ELN: variants seen among roughly 807,000 people sequenced by gnomAD.
ELN encodes elastin.
Under a neutral mutation model 105.8 loss-of-function variants are expected in ELN, and 65 were observed. The observed-to-expected ratio is 0.61, with a 90% CI of 0.50 to 0.75. The LOEUF (loss-of-function observed/expected upper bound fraction) is 0.75, where lower values mean the gene tolerates loss of function less well. ELN is among the 30% of genes least tolerant of loss of function. ELN has a pLI of 0.00. For synonymous variants in ELN, 368 were observed against 389.2 expected (o/e 0.95, Z 0.64); for missense variants, 882 against 969.4 (o/e 0.91, Z 1.20).
intron 1 of ELN, among the ~76,000 whole-genome samples, chr7:74,031,873 G>GA (rs1455147237): frequency 1.4e-5 from 2 of 145,734 alleles, no homozygotes; most frequent in Admixed American, 6.8e-5. Context: ...AGGAAGGAAG[G>GA]AAGGAAGGAA....
Position 74,069,172 on chromosome 7 carries a change from G to A in ELN, c.*472G>A. 3.7e-6 allele frequency: 1 copy of A among 271,428 alleles called. No homozygotes were observed. The allele number at this position is 271,428 out of a possible 1,614,324, so 16.8% of individuals were successfully genotyped here. A position where few individuals can be genotyped will look rare whatever the true frequency, so the allele number is the denominator to read the frequency against. On this transcript the variant is annotated 3_prime_UTR_variant, in exon 33 of 33. Transcript: ENST00000252034. ...TGGCTGCCATCCAGTTGGTACCCAA[G>A]CACCTGAAGCCTCAAAGCTGGATTC...
Position 74,065,703 on chromosome 7 carries a change from C to T in ELN, c.2003C>T (p.Pro668Leu). 2 of 1,613,964 alleles carry T rather than the reference C, an allele frequency of 1.2e-6. No homozygotes were observed. The highest frequency in any genetic ancestry group is 1.7e-6 in the Non-Finnish European group (2 of 1,179,992). The stretch of plus-strand genomic sequence containing the variant: ...TGCCTCATCTCCCCAGGTATACCTC[C>T]AGCTGCAGCCGCTAAAGCAGCTAAA... ...PGVGGLGGIP[P>L]AAAAKAAKYG... Residue 668 changes from proline (P) to leucine (L), a missense_variant, in exon 30 of 33, where the codon CCA becomes CTA. By Grantham distance (98) the Pro-to-Leu change is moderately conservative (BLOSUM62 -3). Transcript: ENST00000252034.
chr7:74,068,462 T>C (rs1798470180), intron 32 of ELN, among the ~76,000 whole-genome samples, 195 bp from the exon 33 acceptor site: 1 of 152,178 alleles, frequency 6.6e-6, no homozygotes, highest in South Asian at 2.1e-4. Flanking sequence ...CCAAGTAATA[T>C]CTTGGGGGCT....
chr7:74,041,200 T>C lies in ELN; in HGVS notation c.197-16T>C, dbSNP rs782118309. Reference sequence around the variant, plus strand: ...GGAACACTGCCTACACTCCTGTCTCTGTTTCTTATCCACAGTTCCCGGAGG... The same window carrying C: ...GGAACACTGCCTACACTCCTGTCTCCGTTTCTTATCCACAGTTCCCGGAGG... On this transcript the variant is annotated splice_polypyrimidine_tract_variant and intron_variant, in intron 4 of 32. Transcript: ENST00000252034. 2 of 1,613,998 alleles carry C rather than the reference T, an allele frequency of 1.2e-6. No individual in the cohort carries two copies. The highest frequency in any genetic ancestry group is 1.7e-6 in the Non-Finnish European group (2 of 1,179,872).
At chr7:74,056,497 G>C in intron 20 of ELN, 62 bp downstream of exon 20, 1 of 1,610,946 alleles carries the variant, frequency 6.2e-7, no homozygotes, top group Non-Finnish European at 8.5e-7. Flanking sequence ...TTGTCTGCTC[G>C]GCTCTGCAGG....
intron 3 of ELN, 53 bp downstream of exon 3, chr7:74,036,637 G>C: frequency 6.2e-7 from 1 of 1,613,022 alleles, no homozygotes; most frequent in East Asian, 2.2e-5. Context: ...GGTTTCACCC[G>C]AGCCACATGC....
chr7:74,069,029 G>C lies in ELN; in HGVS notation c.*329G>C, dbSNP rs1438170372. 2.3e-6 allele frequency: 1 copy of C among 438,930 alleles called. No homozygotes were observed. Among genetic ancestry groups the C allele is most frequent in the Non-Finnish European group, 4.2e-6 (1 of 235,850 alleles). The allele number at this position is 438,930 out of a possible 1,614,324, so 27.2% of individuals were successfully genotyped here. A position where few individuals can be genotyped will look rare whatever the true frequency, so the allele number is the denominator to read the frequency against. On this transcript the variant is annotated 3_prime_UTR_variant, in exon 33 of 33. Transcript: ENST00000252034. ...ACACGCTGGTGCTCTTATCTTCCTG[G>C]GGGGAGGGAGGAGGGAAGGGTGGCC...
At chr7:74,060,311 GGCAGGA>G (rs782594095) in intron 24 of ELN, 59 bp from the exon 25 acceptor site, 10 of 1,614,054 alleles carry the variant, frequency 6.2e-6, no homozygotes, top group Non-Finnish European at 8.5e-6. Flanking sequence ...CAGCTCCCTG[GGCAGGA>G]CACCTCCTTA....
intron 10 of ELN, among the ~76,000 whole-genome samples, chr7:74,045,518 C>T (rs1286731328): frequency 1.3e-5 from 2 of 152,100 alleles, no homozygotes; most frequent in African/African-American, 2.4e-5. Context: ...CTGGGAGGAT[C>T]GCTTGAGCCC....
At chr7:74,031,219 C>T (rs555932334) in intron 1 of ELN, among the ~76,000 whole-genome samples, 51 of 152,322 alleles carry the variant, frequency 3.3e-4, no homozygotes, top group African/African-American at 1.2e-3. Flanking sequence ...GGCTCTTCAG[C>T]TCACTGGTTC....
chr7:74,057,974 GCTCCAGCTCCCCTTGAGGGA>G (rs1795690893), intron 22 of ELN, among the ~76,000 whole-genome samples: 1 of 152,010 alleles, frequency 6.6e-6, no homozygotes, highest in Admixed American at 6.6e-5. Flanking sequence ...CTCATGCTGA[GCTCCAGCTCCCCTTGAGGGA>G]CTCCAGTTCT....
intron 14 of ELN, 95 bp from the exon 15 acceptor site, chr7:74,048,408 T>C (rs1793073069): frequency 6.4e-7 from 1 of 1,572,438 alleles, no homozygotes; most frequent in Non-Finnish European, 8.8e-7. Context: ...TACCCACATG[T>C]CAGTGGATTG....
chr7:74,063,920 T>C lies in ELN; in HGVS notation c.1993+225T>C, dbSNP rs1797305046. Among the ~76,000 whole-genome samples the C allele has an allele frequency of 6.6e-6, 1 of 150,762 alleles. No individual in the cohort carries two copies. The highest frequency in any genetic ancestry group is 2.5e-5 in the African/African-American group (1 of 40,798). ...GAGTTTGAGACCAGCCTGGGTGACA[T>C]GGCGAAACCTCATCTCTACCAAAAA... On this transcript the variant is annotated intron_variant, in intron 29 of 32. Coordinates refer to ENST00000252034, the MANE Select transcript of ELN (RefSeq NM_000501.4). This position sits in a 1 kb window ranked among gnomAD's most constrained non-coding sequence, Gnocchi z 4.1.
intron 20 of ELN, 58 bp from the exon 21 acceptor site, chr7:74,056,614 C>T: frequency 6.2e-7 from 1 of 1,612,724 alleles, no homozygotes. Flanking sequence ...TTAAACACGG[C>T]TCGGAGGAGA....
In ELN at chr7:74,042,704, C is replaced by G. The variant is rs863223510; in HGVS notation, c.323C>G (p.Ala108Gly). Reference sequence around the variant, plus strand: ...GCTGCAGCCTATAAAGCTGCTAAGGCTGGTGAGTGGTGCTCTTTGGGACAT... The same window carrying G: ...GCTGCAGCCTATAAAGCTGCTAAGGGTGGTGAGTGGTGCTCTTTGGGACAT... ...DAAAAYKAAKAGAGLGGVPGV... is the reference protein window; with the variant it reads ...DAAAAYKAAKGGAGLGGVPGV... Residue 108 changes from alanine to glycine, a missense_variant and splice_region_variant, in exon 6 of 33, where the codon GCT becomes GGT. By Grantham distance (60) the Ala-to-Gly change is moderately conservative (BLOSUM62 0). Coordinates refer to ENST00000252034, the MANE Select transcript of ELN (RefSeq NM_000501.4). 1 of 1,612,704 alleles carries G rather than the reference C, an allele frequency of 6.2e-7. No homozygotes were observed. Among genetic ancestry groups the G allele is most frequent in the African/African-American group, 1.3e-5 (1 of 75,058 alleles).
At chr7:74,058,233 CCT>C (rs1462076856) in intron 22 of ELN, among the ~76,000 whole-genome samples, 2 of 143,612 alleles carry the variant, frequency 1.4e-5, no homozygotes, top group Non-Finnish European at 3.0e-5. Context: ...TCTTCTTCTT[CCT>C]CTTTTTCTCC....
At chr7:74,064,184 T>G (rs560419520) in intron 29 of ELN, among the ~76,000 whole-genome samples, 1 of 151,394 alleles carries the variant, frequency 6.6e-6, no homozygotes, top group Non-Finnish European at 1.5e-5. Context: ...TTTGGGAGGC[T>G]GAGGTGGGCA....
At chr7:74,043,994 C>A in intron 9 of ELN, 74 bp downstream of exon 9, 1 of 1,586,280 alleles carries the variant, frequency 6.3e-7, no homozygotes. Flanking sequence ...GCCTATAATC[C>A]CATTGCTTTG....
At chr7:74,047,336 C>G (rs143911911) in intron 12 of ELN, among the ~76,000 whole-genome samples, 105 of 152,332 alleles carry the variant, frequency 6.9e-4, no homozygotes, top group African/African-American at 2.5e-3. Context: ...TGGAAAGATC[C>G]CTCTAACATC....
Sources: allele counts gnomAD v4.1 joint callset (sites outside exome capture counted in the v4.1 genomes callset), GRCh38; gene constraint gnomAD v4.1.1; non-coding constraint Gnocchi (gnomAD v3.1); transcripts MANE v1.5; gene names NCBI Gene and HGNC (gene_info 2026-07-23, HGNC 2026-07-21).